The following BCO2 variants were observed in gnomAD, a reference collection of about 807,000 sequenced individuals.
BCO2 encodes the protein carotenoid-cleaving dioxygenase, mitochondrial.
Under a neutral mutation model 65.8 loss-of-function variants are expected in BCO2, and 56 were observed. The observed-to-expected ratio is 0.85, with a 90% CI of 0.69 to 1.06. The LOEUF (loss-of-function observed/expected upper bound fraction) is 1.06, where lower values mean the gene tolerates loss of function less well. Ranked by LOEUF, BCO2 falls within the 50% of genes least tolerant of loss-of-function variation. The pLI is 0.00. For synonymous variants in BCO2, 233 were observed against 242.3 expected (o/e 0.96, Z 0.36); for missense variants, 675 against 698.5 (o/e 0.97, Z 0.38).
intron 2 of BCO2, among the ~76,000 whole-genome samples, 168 bp from the exon 3 acceptor site, chr11:112,193,306 C>T (rs1049215501): frequency 2.6e-5 from 4 of 152,076 alleles, no homozygotes. Context: ...CTAGGATATA[C>T]CCAAAATGCT....
intron 5 of BCO2, among the ~76,000 whole-genome samples, chr11:112,195,398 G>A (rs1318356670): frequency 6.6e-6 from 1 of 152,174 alleles, no homozygotes; most frequent in Non-Finnish European, 1.5e-5. Flanking sequence ...CTCCCAAAGT[G>A]CTGGGATTAC....
intron 11 of BCO2, among the ~76,000 whole-genome samples, chr11:112,217,352 TTC>T (rs926712618): frequency 6.6e-6 from 1 of 151,996 alleles, no homozygotes; most frequent in African/African-American, 2.4e-5. Context: ...TGCTCTTTCT[TTC>T]TCTCTCTCTC....
At position 112,200,727 on chromosome 11, in the gene BCO2, C is replaced by G; in HGVS notation, c.980C>G (p.Pro327Arg). 1.2e-6 allele frequency: 2 copies of G among 1,613,876 alleles called. No individual in the cohort carries two copies. The highest frequency in any genetic ancestry group is 1.7e-6 in the Non-Finnish European group (2 of 1,179,930). The stretch of plus-strand genomic sequence containing the variant: ...TTTTCAGATGGGATAAGCTGGGAAC[C>G]CCAGTGTAATACGCGGTTTCATGTG... ...KAFSDGISWEPQCNTRFHVVE... is the reference protein window; with the variant it reads ...KAFSDGISWERQCNTRFHVVE... The change falls in exon 7 of 12, where the codon CCC becomes CGC. Residue 327 changes from proline to arginine, a missense_variant. Transcript: ENST00000357685.
chr11:112,195,724 G>A (rs185316495), intron 5 of BCO2, among the ~76,000 whole-genome samples: 32 of 152,292 alleles, frequency 2.1e-4, no homozygotes, highest in African/African-American at 5.3e-4. Flanking sequence ...GATTTCAGGC[G>A]CGAGCCACTG....
intron 8 of BCO2, among the ~76,000 whole-genome samples, chr11:112,212,477 A>C (rs1374385094): frequency 3.9e-5 from 6 of 152,192 alleles, no homozygotes; most frequent in Non-Finnish European, 5.9e-5. Flanking sequence ...CTTTATTAAA[A>C]ATTTTTAAAA....
chr11:112,180,788 C>G, intron 2 of BCO2: 1 of 990,732 alleles, frequency 1.0e-6, no homozygotes. Flanking sequence ...GCGGATGACC[C>G]TGTTCCTGAA....
At chr11:112,176,138 G>A (rs1300424538) in intron 1 of BCO2, 1 of 155,730 alleles carries the variant, frequency 6.4e-6, no homozygotes, top group Non-Finnish European at 1.4e-5. Context: ...TATAGAAATT[G>A]GCTGATCTAG....
At chr11:112,213,019 C>T (rs577878416) in intron 8 of BCO2, among the ~76,000 whole-genome samples, 4 of 152,076 alleles carry the variant, frequency 2.6e-5, no homozygotes, top group Admixed American at 2.6e-4. Context: ...TGATCCTTTT[C>T]CACACAGAGG....
intron 2 of BCO2, chr11:112,182,849 A>G (rs1867094388): frequency 1.2e-6 from 1 of 818,972 alleles, no homozygotes; most frequent in Non-Finnish European, 2.0e-6. Context: ...ACTTATATAT[A>G]TATAAAAAGA....
In BCO2 at chr11:112,218,026, A is replaced by G. The variant is rs1001403766; in HGVS notation, c.*152A>G. 6 of 576,834 alleles carry G rather than the reference A, an allele frequency of 1.0e-5. No homozygotes were observed. Among genetic ancestry groups the G allele is most frequent in the East Asian group, 2.9e-5 (1 of 34,594 alleles). 35.7% of individuals were successfully genotyped at this position (576,834 alleles called of 1,614,324 possible). On this transcript the variant is annotated 3_prime_UTR_variant, in exon 12 of 12. Coordinates refer to ENST00000357685, the MANE Select transcript of BCO2 (RefSeq NM_031938.7). ...CTACCTATTGAATACTATGTTCCCT[A>G]TTTGGGTGATGGGTTCGTTAGAAGT...
intron 8 of BCO2, among the ~76,000 whole-genome samples, chr11:112,207,547 G>A (rs1238171394): frequency 4.6e-5 from 7 of 152,152 alleles, no homozygotes. Flanking sequence ...ATGGTTACTT[G>A]TGCACTGCAT....
chr11:112,184,762 T>C (rs1273180594), intron 2 of BCO2, among the ~76,000 whole-genome samples: 2 of 152,184 alleles, frequency 1.3e-5, no homozygotes, highest in Non-Finnish European at 2.9e-5. Context: ...AGGAAGGGCC[T>C]GTACCTCCCT....
chr11:112,201,919 T>C (rs376060087), intron 7 of BCO2, 104 bp from the exon 8 acceptor site: 1 of 993,392 alleles, frequency 1.0e-6, no homozygotes. Context: ...GGAAAATCTT[T>C]CTAATTTTCT....
chr11:112,186,404 G>A (rs1216904595), intron 2 of BCO2, among the ~76,000 whole-genome samples: 1 of 149,058 alleles, frequency 6.7e-6, no homozygotes, highest in Non-Finnish European at 1.5e-5. Context: ...CAGGAACAAG[G>A]TCTTGCCTTC....
chr11:112,213,524 T>G (rs183154559), intron 8 of BCO2, among the ~76,000 whole-genome samples, 200 bp from the exon 9 acceptor site: 273 of 152,290 alleles, frequency 1.8e-3, no homozygotes, highest in Non-Finnish European at 2.8e-3. Context: ...AGACTTTGCT[T>G]TATTCATGAC....
At position 112,213,825 on chromosome 11, in the gene BCO2, T is replaced by C. The variant is rs759244653; in HGVS notation, c.1296T>C (p.Tyr432=). The stretch of plus-strand genomic sequence containing the variant: ...GAGACAACCTGAGTCCATTGTCCTA[T>C]ACTTCAGCCAGTGCTGTGAAACAGG... ...PEGDNLSPLS[Y]TSASAVKQAD... The change falls in exon 9 of 12, where the codon TAT becomes TAC. Residue 432 remains tyrosine (Y), a synonymous_variant. Transcript: ENST00000357685. 72 of 1,599,932 alleles carry C rather than the reference T, an allele frequency of 4.5e-5. No homozygotes were observed. Among genetic ancestry groups the C allele is most frequent in the Middle Eastern group, 3.3e-4 (2 of 6,036 alleles).
chr11:112,202,783 C>G (rs545626735), intron 8 of BCO2, among the ~76,000 whole-genome samples: 1 of 152,118 alleles, frequency 6.6e-6, no homozygotes, highest in Non-Finnish European at 1.5e-5. Context: ...CGGTGGCTCA[C>G]GCTTGTAATC....
intron 2 of BCO2, chr11:112,182,932 AT>A: frequency 7.7e-7 from 1 of 1,300,882 alleles, no homozygotes; most frequent in African/African-American, 1.5e-5. Flanking sequence ...CTTAAAGCCA[AT>A]TTAGAAGGTG....
intron 5 of BCO2, among the ~76,000 whole-genome samples, chr11:112,199,191 G>T (rs980557598): frequency 1.3e-5 from 2 of 152,068 alleles, no homozygotes; most frequent in Admixed American, 6.6e-5. Flanking sequence ...TCCCACTTAT[G>T]AGTGAGAACA....
Sources: allele counts gnomAD v4.1 joint callset (sites outside exome capture counted in the v4.1 genomes callset), GRCh38; gene constraint gnomAD v4.1.1; transcripts MANE v1.5; gene names NCBI Gene and HGNC (gene_info 2026-07-23, HGNC 2026-07-21).